The following CHRM2 variants were observed in gnomAD, a reference collection of about 807,000 sequenced individuals.
CHRM2 encodes cholinergic receptor muscarinic 2.
In CHRM2, 8 loss-of-function variants were observed where a neutral mutation model predicts 25.0. The ratio of observed to expected loss-of-function variants is 0.32; its 90% CI spans 0.19 to 0.58. The LOEUF is 0.58. Ranked by LOEUF, CHRM2 falls within the 20% of genes least tolerant of loss-of-function variation. The pLI, the probability that CHRM2 is intolerant of heterozygous loss-of-function variation, is 0.88. For synonymous variants in CHRM2, 202 were observed against 205.7 expected, an observed-to-expected ratio of 0.98 and a Z score of 0.15; for missense variants, 440 against 567.1, an observed-to-expected ratio of 0.78 and a Z score of 2.28.
At chr7:136,907,739 C>A (rs573026330) in intron 2 of CHRM2, 1 of 151,846 alleles carries the variant, frequency 6.6e-6, no homozygotes, top group Non-Finnish European at 1.5e-5. Context: ...AAATCTTATT[C>A]CTGTATTTTC....
At chr7:136,970,553 G>A (rs1190541981) in intron 2 of CHRM2, among the ~76,000 whole-genome samples, 1 of 152,120 alleles carries the variant, frequency 6.6e-6, no homozygotes, top group Non-Finnish European at 1.5e-5. Flanking sequence ...TTTTCTGAAT[G>A]TAGGGACCAT....
intron 2 of CHRM2, among the ~76,000 whole-genome samples, chr7:136,877,186 G>C (rs1472256654): frequency 6.6e-6 from 1 of 152,068 alleles, no homozygotes; most frequent in African/African-American, 2.4e-5. Context: ...CCCGGACAGA[G>C]AGCTTTGCTG....
At chr7:136,903,282 G>A in intron 2 of CHRM2, 1 of 531,694 alleles carries the variant, frequency 1.9e-6, no homozygotes, top group Non-Finnish European at 3.9e-6. Flanking sequence ...TTCACAAGCA[G>A]CGGACACTTC....
chr7:136,904,160 T>C (rs553675519), intron 2 of CHRM2, among the ~76,000 whole-genome samples: 1 of 151,920 alleles, frequency 6.6e-6, no homozygotes, highest in Non-Finnish European at 1.5e-5. Flanking sequence ...AATCACTTGA[T>C]TATATAAAAC....
intron 2 of CHRM2, among the ~76,000 whole-genome samples, chr7:136,915,480 T>C (rs1304376184): frequency 6.6e-6 from 1 of 151,896 alleles, no homozygotes. Context: ...AATGTGGGTA[T>C]ATTAATCCCA....
At chr7:136,885,578 A>T (rs1796431961) in intron 2 of CHRM2, among the ~76,000 whole-genome samples, 1 of 152,226 alleles carries the variant, frequency 6.6e-6, no homozygotes, top group African/African-American at 2.4e-5. Context: ...AGAAATGGTT[A>T]TTTATTTATT....
chr7:136,991,707 G>T (rs1387774774), intron 2 of CHRM2, among the ~76,000 whole-genome samples: 1 of 151,840 alleles, frequency 6.6e-6, no homozygotes. Flanking sequence ...ATTTTTCTTT[G>T]ATGAAAATCC....
intron 3 of CHRM2, among the ~76,000 whole-genome samples, chr7:136,997,853 A>C (rs1803707877): frequency 6.6e-6 from 1 of 152,176 alleles, no homozygotes; most frequent in East Asian, 1.9e-4. Context: ...AATTACAGTA[A>C]TGCTGTGAAA....
chr7:136,884,849 A>G (rs1483617560), intron 2 of CHRM2, among the ~76,000 whole-genome samples: 1 of 152,234 alleles, frequency 6.6e-6, no homozygotes, highest in African/African-American at 2.4e-5. Context: ...CAGACAATAA[A>G]GCAGCTCATC....
At chr7:136,894,555 GGA>G (rs902344306) in intron 2 of CHRM2, among the ~76,000 whole-genome samples, 2 of 151,806 alleles carry the variant, frequency 1.3e-5, no homozygotes, top group Non-Finnish European at 2.9e-5. Flanking sequence ...TATTTTTAGT[GGA>G]GACGGGGTTT....
At chr7:136,880,715 A>G (rs568857083) in intron 2 of CHRM2, among the ~76,000 whole-genome samples, 2 of 151,872 alleles carry the variant, frequency 1.3e-5, no homozygotes, top group South Asian at 2.1e-4. Context: ...GGCCCCACAC[A>G]CACCTACTCC....
At chr7:136,911,913 A>T (rs531610537) in intron 2 of CHRM2, among the ~76,000 whole-genome samples, 12 of 152,076 alleles carry the variant, frequency 7.9e-5, no homozygotes, top group African/African-American at 2.9e-4. Context: ...TCATCCATAA[A>T]ATTCTTCCAT....
intron 2 of CHRM2, among the ~76,000 whole-genome samples, chr7:136,970,530 A>G (rs1801691363): frequency 6.6e-6 from 1 of 152,088 alleles, no homozygotes; most frequent in African/African-American, 2.4e-5. Flanking sequence ...TTCTTTTACA[A>G]CCACATTGTA....
At chr7:136,937,168 T>G (rs2130801467) in intron 2 of CHRM2, among the ~76,000 whole-genome samples, 1 of 152,314 alleles carries the variant, frequency 6.6e-6, no homozygotes, top group African/African-American at 2.4e-5. Context: ...CTCAGGGATC[T>G]ACAGGAAGAA....
chr7:136,999,457 C>CAT lies in CHRM2; in HGVS notation c.-47+7203_-47+7204dup, dbSNP rs532158675. On this transcript the variant is annotated intron_variant, in intron 3 of 3. Coordinates refer to ENST00000680005, the MANE Select transcript of CHRM2 (RefSeq NM_001006630.2). ...ATGTGCACAATGTGCAGGTTTGTTA[C>CAT]ATATATATATACACGTGCCATGTTG... 9.5e-3 allele frequency among the ~76,000 whole-genome samples: 1,443 copies of CAT among 151,652 alleles called. 22 individuals carry two copies. Among genetic ancestry groups the CAT allele is most frequent in the African/African-American group, 0.033 (1,356 of 41,336 alleles).
chr7:136,875,147 A>T (rs1796003319), intron 2 of CHRM2, among the ~76,000 whole-genome samples: 1 of 150,380 alleles, frequency 6.6e-6, no homozygotes, highest in South Asian at 2.1e-4. Context: ...ACACACATAC[A>T]CACACATGAA....
intron 3 of CHRM2, among the ~76,000 whole-genome samples, chr7:137,005,492 T>C (rs552256713): frequency 1.2e-3 from 187 of 152,216 alleles, no homozygotes; most frequent in African/African-American, 4.4e-3. Context: ...ATCTCACTTA[T>C]TCTTATCCCA....
intron 2 of CHRM2, among the ~76,000 whole-genome samples, chr7:136,940,906 G>A (rs1415065253): frequency 6.6e-6 from 1 of 152,138 alleles, no homozygotes; most frequent in Non-Finnish European, 1.5e-5. Flanking sequence ...CACAACTGGG[G>A]ACATTTATCT....
At position 137,016,309 on chromosome 7, in the gene CHRM2, GA is replaced by G; in HGVS notation, c.*45del. 6.3e-7 allele frequency: 1 copy of G among 1,584,604 alleles called. No individual in the cohort carries two copies. The highest frequency in any genetic ancestry group is 1.1e-5 in the South Asian group (1 of 90,242). ...TAGAAGGTGGGCAAGGGGAGCTTGA[GA>G]AGAATAAAAGGGATAAACGAGCTCC... On this transcript the variant is annotated 3_prime_UTR_variant, in exon 4 of 4. Transcript: ENST00000680005.
Sources: gnomAD v4.1 joint callset for allele counts (sites outside exome capture counted in the v4.1 genomes callset) on GRCh38, gnomAD v4.1.1 for gene constraint, MANE v1.5 for transcripts, NCBI Gene and HGNC (gene_info 2026-07-23, HGNC 2026-07-21) for gene names.